RADIL: variants seen among roughly 807,000 people sequenced by gnomAD.
The protein encoded by RADIL is ras-associating and dilute domain-containing protein.
Under a neutral mutation model 97.6 loss-of-function variants are expected in RADIL, and 99 were observed. The ratio of observed to expected loss-of-function variants is 1.01; its 90% CI spans 0.86 to 1.20. The LOEUF is 1.20. RADIL is among the 50% of genes most tolerant of loss of function. The pLI is 0.00. For synonymous variants in RADIL, 803 were observed against 691.8 expected (o/e 1.16, Z -2.52); for missense variants, 1,765 against 1,498.9 (o/e 1.18, Z -2.93).
chr7:4,820,950 C>A (rs960990372), intron 6 of RADIL, among the ~76,000 whole-genome samples: 1 of 152,198 alleles, frequency 6.6e-6, no homozygotes, highest in African/African-American at 2.4e-5. Flanking sequence ...AGGGTCCCAG[C>A]GCCCCCAACA....
At chr7:4,871,979 C>T (rs1784266590) in intron 2 of RADIL, among the ~76,000 whole-genome samples, 1 of 152,182 alleles carries the variant, frequency 6.6e-6, no homozygotes, top group South Asian at 2.1e-4. Context: ...ATGTCCCTGT[C>T]TCCAGGAACG....
chr7:4,862,851 C>T (rs958068402), intron 2 of RADIL, among the ~76,000 whole-genome samples: 3 of 151,038 alleles, frequency 2.0e-5, no homozygotes, highest in Non-Finnish European at 4.4e-5. Flanking sequence ...GAGCCAAGAT[C>T]ACACCATTGC....
chr7:4,799,020 C>T lies in RADIL; in HGVS notation c.*358G>A, dbSNP rs999910038. 10 of 260,674 alleles carry T rather than the reference C, an allele frequency of 3.8e-5. No individual in the cohort carries two copies. The highest frequency in any genetic ancestry group is 6.8e-5 in the Non-Finnish European group (9 of 132,080). The allele number at this position is 260,674 out of a possible 1,614,324, so 16.1% of individuals were successfully genotyped here. On this transcript the variant is annotated 3_prime_UTR_variant, in exon 15 of 15. Coordinates refer to ENST00000399583, the MANE Select transcript of RADIL (RefSeq NM_018059.5). The stretch of plus-strand genomic sequence containing the variant: ...TCACTGCATTCTCCCGTGCCGGTGG[C>T]AGGCAGAGGCCATGGGGAGCCCCTG...
At chr7:4,845,876 C>T (rs116458138) in intron 2 of RADIL, among the ~76,000 whole-genome samples, 1,560 of 152,256 alleles carry the variant, frequency 0.01, 31 homozygotes, top group African/African-American at 0.036. Flanking sequence ...GGGGCTGTGC[C>T]GAGGAGAGAG....
In RADIL at chr7:4,872,527, G is replaced by A. The variant is rs113135782; in HGVS notation, c.535+5078C>T. Among the ~76,000 whole-genome samples, 127 of 152,126 alleles carry A rather than the reference G, an allele frequency of 8.3e-4. 1 individual carries two copies. Among genetic ancestry groups the A allele is most frequent in the Middle Eastern group, 3.4e-3 (1 of 294 alleles). ...TCCCCAGTGCATCTAAGTGGCTGCT[G>A]TCTTATCTCGGTGACAGGACCCAGG... On this transcript the variant is annotated intron_variant, in intron 2 of 14. Coordinates refer to ENST00000399583, the MANE Select transcript of RADIL (RefSeq NM_018059.5). This position sits in a 1 kb window ranked among gnomAD's most constrained non-coding sequence, Gnocchi z 5.8.
At position 4,872,547 on chromosome 7, in the gene RADIL, C is replaced by A. The variant is rs1784279926; in HGVS notation, c.535+5058G>T. 6.6e-6 allele frequency among the ~76,000 whole-genome samples: 1 copy of A among 152,010 alleles called. No individual in the cohort carries two copies. Among genetic ancestry groups the A allele is most frequent in the Non-Finnish European group, 1.5e-5 (1 of 68,012 alleles). The stretch of plus-strand genomic sequence containing the variant: ...CTGCTGTCTTATCTCGGTGACAGGA[C>A]CCAGGCCCCTCTGTGGGGCACCAGC... On this transcript the variant is annotated intron_variant, in intron 2 of 14. Transcript: ENST00000399583. This position sits in a 1 kb window ranked among gnomAD's most constrained non-coding sequence, Gnocchi z 5.8.
chr7:4,854,477 T>C lies in RADIL; in HGVS notation c.536-17872A>G, dbSNP rs985828064. Among the ~76,000 whole-genome samples, 1 of 152,196 alleles carries C rather than the reference T, an allele frequency of 6.6e-6. No homozygotes were observed. Among genetic ancestry groups the C allele is most frequent in the Non-Finnish European group, 1.5e-5 (1 of 68,032 alleles). On this transcript the variant is annotated intron_variant, in intron 2 of 14. Coordinates refer to ENST00000399583, the MANE Select transcript of RADIL (RefSeq NM_018059.5). The surrounding 1 kb of genome is among the most constrained non-coding windows in gnomAD (Gnocchi z 5.1). ...GGGAGGCCGAGGCAGGCAGATCACCTGAGGTCAGGAGTTCAAGACCAGCCT... is the reference window on the plus strand; with the variant it reads ...GGGAGGCCGAGGCAGGCAGATCACCCGAGGTCAGGAGTTCAAGACCAGCCT...
intron 2 of RADIL, among the ~76,000 whole-genome samples, chr7:4,850,672 G>C (rs1226616169): frequency 1.3e-5 from 2 of 152,136 alleles, no homozygotes; most frequent in Non-Finnish European, 2.9e-5. Context: ...GACAAGGGGA[G>C]AGATGCAGAG....
At chr7:4,848,216 C>CA (rs34341810) in intron 2 of RADIL, among the ~76,000 whole-genome samples, 61,270 of 128,940 alleles carry the variant, frequency 0.48, 13,358 homozygotes, top group African/African-American at 0.57. Flanking sequence ...GACCCCGTCT[C>CA]AAAAAAAAAA....
chr7:4,802,359 GC>G (rs1562425244), intron 11 of RADIL, among the ~76,000 whole-genome samples: 97 of 130,228 alleles, frequency 7.4e-4, no homozygotes, highest in African/African-American at 2.7e-3. Context: ...CTCGGGGCAC[GC>G]TGGCTGGGGG....
intron 9 of RADIL, chr7:4,808,510 A>G (rs954947765): frequency 2.2e-6 from 2 of 917,422 alleles, no homozygotes; most frequent in Middle Eastern, 1.1e-3. Context: ...AATGGTTTTC[A>G]CGTTTTTAAA....
chr7:4,828,800 CG>C (rs1239376076), intron 5 of RADIL, among the ~76,000 whole-genome samples: 3 of 152,204 alleles, frequency 2.0e-5, no homozygotes, highest in African/African-American at 7.2e-5. Flanking sequence ...TAGGTCCTAA[CG>C]ATGACGGTTC....
chr7:4,804,132 G>A (rs888265682), intron 10 of RADIL: 18 of 317,596 alleles, frequency 5.7e-5, no homozygotes, highest in Non-Finnish European at 1.0e-4. Flanking sequence ...CTCCTCCCAG[G>A]GCTGGAGCCG....
chr7:4,825,949 G>C (rs1430425477), intron 5 of RADIL, among the ~76,000 whole-genome samples: 1 of 147,852 alleles, frequency 6.8e-6, no homozygotes, highest in Non-Finnish European at 1.5e-5. Flanking sequence ...AACTGTTAAA[G>C]GTGCTCTTTG....
At chr7:4,800,911 G>A (rs1011500244) in intron 12 of RADIL, among the ~76,000 whole-genome samples, 2 of 152,190 alleles carry the variant, frequency 1.3e-5, no homozygotes, top group South Asian at 2.1e-4. Flanking sequence ...ACGCACCCAG[G>A]ACACTTCGCT....
chr7:4,821,092 C>A lies in RADIL; in HGVS notation c.1615+1302G>T, dbSNP rs536597187. On this transcript the variant is annotated intron_variant, in intron 6 of 14. Transcript: ENST00000399583. The surrounding 1 kb of genome is among the most constrained non-coding windows in gnomAD (Gnocchi z 5.2). The stretch of plus-strand genomic sequence containing the variant: ...ACCCCGCAGCGTCTGGTAGACTGAG[C>A]CTGTGGGAGCTCCTGTCCCTGCACA... 1.1e-4 allele frequency among the ~76,000 whole-genome samples: 17 copies of A among 152,318 alleles called. No individual in the cohort carries two copies. In the East Asian group the frequency reaches 2.9e-3, roughly 26 times the overall value.
intron 8 of RADIL, 135 bp downstream of exon 8, chr7:4,816,093 G>T: frequency 1.3e-6 from 1 of 789,672 alleles, no homozygotes; most frequent in Non-Finnish European, 2.1e-6. Flanking sequence ...TCACCCCTCA[G>T]GGACACCAGA....
At chr7:4,874,164 C>G (rs1017417830) in intron 2 of RADIL, among the ~76,000 whole-genome samples, 1 of 152,248 alleles carries the variant, frequency 6.6e-6, no homozygotes, top group Non-Finnish European at 1.5e-5. Flanking sequence ...GCAGGTGTCT[C>G]ACGCAGGGAA....
At chr7:4,861,823 GC>G (rs1408994679) in intron 2 of RADIL, 8 of 1,293,456 alleles carry the variant, frequency 6.2e-6, no homozygotes, top group Non-Finnish European at 7.8e-6. Flanking sequence ...TTCAGCGCCC[GC>G]CCCGCCAGGG....
Sources: gnomAD v4.1 joint callset for allele counts (sites outside exome capture counted in the v4.1 genomes callset) on GRCh38, gnomAD v4.1.1 for gene constraint, Gnocchi (gnomAD v3.1) non-coding constraint, MANE v1.5 for transcripts, NCBI Gene and HGNC (gene_info 2026-07-23, HGNC 2026-07-21) for gene names.